The following SLC4A4 variants were observed in gnomAD, a reference collection of about 807,000 sequenced individuals.
SLC4A4 encodes the protein solute carrier family 4 member 4, also known as electrogenic sodium bicarbonate cotransporter 1.
A neutral mutation model predicts 111.5 loss-of-function variants in SLC4A4; 27 were observed. The ratio of observed to expected loss-of-function variants is 0.24; its 90% CI spans 0.18 to 0.33. The LOEUF is 0.33. Among genes scored for constraint, SLC4A4 ranks in the 10% least tolerant of loss-of-function variants. The probability of loss-of-function intolerance (pLI) is 1.00; values close to 1 mark genes in which losing one functional copy is unlikely to be tolerated. For synonymous variants in SLC4A4, 443 were observed against 463.4 expected, an observed-to-expected ratio of 0.96 and a Z score of 0.57; for missense variants, 909 against 1,315.5, an observed-to-expected ratio of 0.69 and a Z score of 4.78.
At chr4:71,212,328 A>C (rs1165829405) in intron 1 of SLC4A4, among the ~76,000 whole-genome samples, 1 of 152,122 alleles carries the variant, frequency 6.6e-6, no homozygotes, top group Non-Finnish European at 1.5e-5. Flanking sequence ...TAATGTAGTC[A>C]CCATCCTGTG....
chr4:71,363,649 A>G (rs1730997343), intron 6 of SLC4A4, among the ~76,000 whole-genome samples: 1 of 152,210 alleles, frequency 6.6e-6, no homozygotes, highest in Non-Finnish European at 1.5e-5. Flanking sequence ...TCTCAGGCCC[A>G]CATCACCTGA....
intron 14 of SLC4A4, among the ~76,000 whole-genome samples, chr4:71,477,608 T>C (rs1266803392): frequency 6.6e-6 from 1 of 151,838 alleles, no homozygotes; most frequent in Admixed American, 6.6e-5. Flanking sequence ...ATATTATACA[T>C]AGTCATTAAG....
chr4:71,267,865 T>C (rs1402395940), intron 3 of SLC4A4, among the ~76,000 whole-genome samples: 1 of 145,792 alleles, frequency 6.9e-6, no homozygotes, highest in Non-Finnish European at 1.5e-5. Context: ...GTGTATTAAA[T>C]GCCATGATAA....
chr4:71,149,583 C>T (rs1744261948), intron 2 of SLC4A4, among the ~76,000 whole-genome samples: 1 of 152,116 alleles, frequency 6.6e-6, no homozygotes, highest in South Asian at 2.1e-4. Context: ...TAAGGAGGCA[C>T]TTTCTACTTT....
intron 7 of SLC4A4, among the ~76,000 whole-genome samples, chr4:71,426,806 C>T (rs895479014): frequency 6.6e-6 from 1 of 152,084 alleles, no homozygotes; most frequent in African/African-American, 2.4e-5. Context: ...AAGATACCAA[C>T]TCAGACATAG....
At chr4:71,397,071 T>G (rs1719882838) in intron 6 of SLC4A4, among the ~76,000 whole-genome samples, 1 of 152,170 alleles carries the variant, frequency 6.6e-6, no homozygotes, top group Non-Finnish European at 1.5e-5. Context: ...GGGAACACTT[T>G]GACCAAGACT....
intron 3 of SLC4A4, among the ~76,000 whole-genome samples, chr4:71,304,018 C>T (rs954587322): frequency 3.3e-5 from 5 of 152,108 alleles, no homozygotes; most frequent in Admixed American, 2.6e-4. Flanking sequence ...CCCATTCCAT[C>T]GATGAAGAAA....
chr4:71,348,082 C>T lies in SLC4A4; in HGVS notation c.390-1830C>T, dbSNP rs372814395. 4.6e-5 allele frequency among the ~76,000 whole-genome samples: 7 copies of T among 152,106 alleles called. No homozygotes were observed. In the South Asian group the frequency reaches 1.5e-3, roughly 32 times the overall value. On this transcript the variant is annotated intron_variant, in intron 4 of 25. Coordinates refer to ENST00000264485, the MANE Select transcript of SLC4A4 (RefSeq NM_001098484.3). ...GCCTATTACCAACAAACATGCTTAGCGATTCTATGAGCAAGCATGAAAAGA... is the reference window on the plus strand; with the variant it reads ...GCCTATTACCAACAAACATGCTTAGTGATTCTATGAGCAAGCATGAAAAGA...
intron 2 of SLC4A4, among the ~76,000 whole-genome samples, chr4:71,122,472 A>G (rs1303527667): frequency 6.6e-6 from 1 of 152,196 alleles, no homozygotes; most frequent in Non-Finnish European, 1.5e-5. Flanking sequence ...TGATACAGCT[A>G]TGTGGTAGAA....
intron 2 of SLC4A4, among the ~76,000 whole-genome samples, chr4:71,137,826 T>C (rs1420431230): frequency 6.6e-6 from 1 of 152,160 alleles, no homozygotes; most frequent in Non-Finnish European, 1.5e-5. Flanking sequence ...CTTGTTTTGC[T>C]CACAAGTATA....
chr4:71,363,740 T>C (rs1477495606), intron 6 of SLC4A4, among the ~76,000 whole-genome samples: 3 of 152,210 alleles, frequency 2.0e-5, no homozygotes, highest in Non-Finnish European at 4.4e-5. Flanking sequence ...CCACCTGTTT[T>C]GTTCAGGACT....
intron 6 of SLC4A4, among the ~76,000 whole-genome samples, chr4:71,384,925 G>A (rs1179305884): frequency 6.6e-6 from 1 of 151,554 alleles, no homozygotes; most frequent in East Asian, 1.9e-4. Context: ...AATACCTAAT[G>A]TAGGTGACAG....
At chr4:71,100,885 C>G (rs1193981784) in intron 2 of SLC4A4, among the ~76,000 whole-genome samples, 1 of 152,122 alleles carries the variant, frequency 6.6e-6, no homozygotes, top group Admixed American at 6.5e-5. Context: ...TATAACTAAC[C>G]AGGGAGGTGA....
chr4:71,514,876 CT>C (rs1732240110), intron 16 of SLC4A4, among the ~76,000 whole-genome samples: 1 of 151,912 alleles, frequency 6.6e-6, no homozygotes. Flanking sequence ...TGTCTTCTTT[CT>C]TTTTTTCTTG....
At chr4:71,434,754 C>A (rs562061933) in intron 7 of SLC4A4, among the ~76,000 whole-genome samples, 52 of 152,208 alleles carry the variant, frequency 3.4e-4, no homozygotes, top group Admixed American at 2.3e-3. Context: ...GCAAAAATCA[C>A]AAGCATTCCT....
intron 2 of SLC4A4, among the ~76,000 whole-genome samples, chr4:71,114,460 ATCT>A (rs1159708719): frequency 6.7e-6 from 1 of 150,044 alleles, no homozygotes; most frequent in Non-Finnish European, 1.5e-5. Context: ...AATATCCAGA[ATCT>A]ACAATGAACT....
intron 2 of SLC4A4, among the ~76,000 whole-genome samples, chr4:71,141,227 C>G (rs1743985662): frequency 6.6e-6 from 1 of 152,174 alleles, no homozygotes; most frequent in African/African-American, 2.4e-5. Flanking sequence ...ATTTCAGCTT[C>G]CACATATAAG....
intron 3 of SLC4A4, among the ~76,000 whole-genome samples, chr4:71,305,401 C>CT (rs1452141241): frequency 6.6e-6 from 1 of 152,156 alleles, no homozygotes; most frequent in African/African-American, 2.4e-5. Flanking sequence ...TTAGCATGGC[C>CT]TGACACAGTG....
intron 20 of SLC4A4, among the ~76,000 whole-genome samples, chr4:71,550,082 A>AC (rs1250532630): frequency 1.3e-5 from 2 of 151,852 alleles, no homozygotes; most frequent in East Asian, 1.9e-4. Context: ...ATTTTGAGTT[A>AC]CCCCAAGTAG....
Sources: allele counts gnomAD v4.1 joint callset (sites outside exome capture counted in the v4.1 genomes callset), GRCh38; gene constraint gnomAD v4.1.1; transcripts MANE v1.5; gene names NCBI Gene and HGNC (gene_info 2026-07-23, HGNC 2026-07-21).